RBPJ: variants seen among roughly 807,000 people sequenced by gnomAD.
The protein encoded by RBPJ is recombining binding protein suppressor of hairless.
In RBPJ, 9 loss-of-function variants were observed where a neutral mutation model predicts 67.8. The ratio of observed to expected loss-of-function variants is 0.13; its 90% CI spans 0.08 to 0.23. The LOEUF is 0.23. Ranked by LOEUF, RBPJ falls within the 10% of genes least tolerant of loss-of-function variation. RBPJ has a pLI of 1.00. For missense variants in RBPJ, 305 were observed against 595.6 expected (o/e 0.51, Z 5.08); for synonymous variants, 198 against 203.3 (o/e 0.97, Z 0.22).
intron 1 of RBPJ, among the ~76,000 whole-genome samples, chr4:26,189,218 A>G (rs1469984224): frequency 6.6e-6 from 1 of 152,200 alleles, no homozygotes; most frequent in Non-Finnish European, 1.5e-5. Flanking sequence ...CCCTGTCTCT[A>G]TATTAAAAAC....
intron 1 of RBPJ, among the ~76,000 whole-genome samples, chr4:26,229,945 T>G (rs182387055): frequency 6.6e-6 from 1 of 152,174 alleles, no homozygotes; most frequent in South Asian, 2.1e-4. Context: ...TCCTAGCACT[T>G]TGGGAGGCCA....
chr4:26,107,405 T>C, the RBPJ span, among the ~76,000 whole-genome samples: 42 of 152,208 alleles, frequency 2.8e-4, no homozygotes, highest in African/African-American at 9.9e-4. Context: ...GAGCAGTGCC[T>C]CTCCCCAAGG....
chr4:26,346,326 A>AG (rs1726138790), intron 1 of RBPJ, among the ~76,000 whole-genome samples: 1 of 152,114 alleles, frequency 6.6e-6, no homozygotes, highest in South Asian at 2.1e-4. Flanking sequence ...AGATTGGAGG[A>AG]GGGGATATCT....
chr4:26,218,024 C>T (rs1263004758), intron 1 of RBPJ, among the ~76,000 whole-genome samples: 3 of 152,238 alleles, frequency 2.0e-5, no homozygotes, highest in Admixed American at 1.3e-4. Flanking sequence ...GCAGCAGGAC[C>T]GTCTTGCTAG....
intron 3 of RBPJ, among the ~76,000 whole-genome samples, chr4:26,407,883 C>CTTTTTTTTTTTTT (rs61575988): frequency 1.1e-4 from 7 of 63,630 alleles, no homozygotes; most frequent in African/African-American, 4.0e-4. Flanking sequence ...AGCTTTCTTT[C>CTTTTTTTTTTTTT]TTTTTTTTTT....
chr4:26,308,514 A>T (rs925563218), intron 1 of RBPJ, among the ~76,000 whole-genome samples: 20 of 152,254 alleles, frequency 1.3e-4, no homozygotes, highest in African/African-American at 4.3e-4. Flanking sequence ...ATTAATTAGA[A>T]TAAAAATTGT....
intron 1 of RBPJ, among the ~76,000 whole-genome samples, chr4:26,270,487 GAGGA>G (rs900012605): frequency 5.0e-4 from 76 of 150,500 alleles, no homozygotes; most frequent in African/African-American, 9.3e-4. Context: ...TGAAAGGAGG[GAGGA>G]AGGAAGGAAG....
In RBPJ at chr4:26,351,225, G is replaced by C. The variant is rs1577497820; in HGVS notation, c.20+30177G>C. ...GTGGAAACATTGTGTACATTAGTGC[G>C]TGATCTCTGACACTTGAGGAACATA... is the stretch of plus-strand genomic sequence containing the variant. On this transcript the variant is annotated intron_variant, in intron 1 of 10. Transcript: ENST00000355476. 2.0e-5 allele frequency among the ~76,000 whole-genome samples: 3 copies of C among 152,148 alleles called. No homozygotes were observed. In the East Asian group the frequency reaches 5.8e-4, roughly 29 times the overall value.
At chr4:26,369,347 A>G (rs1253365197) in intron 1 of RBPJ, among the ~76,000 whole-genome samples, 3 of 152,230 alleles carry the variant, frequency 2.0e-5, no homozygotes, top group East Asian at 1.9e-4. Context: ...ACAATGAATC[A>G]ATATTGCGCT....
intron 1 of RBPJ, among the ~76,000 whole-genome samples, chr4:26,265,766 C>T (rs531243948): frequency 1.6e-4 from 25 of 151,902 alleles, no homozygotes; most frequent in African/African-American, 6.0e-4. Context: ...TGGCCAGGCA[C>T]GGTGGCTCAC....
At chr4:26,146,131 G>A in the RBPJ span, among the ~76,000 whole-genome samples, 1 of 152,072 alleles carries the variant, frequency 6.6e-6, no homozygotes, top group Non-Finnish European at 1.5e-5. Context: ...ATTTTTTGTA[G>A]AGGTAGGGTT....
chr4:26,430,988 C>T lies in RBPJ; in HGVS notation c.1445C>T (p.Thr482Ile), dbSNP rs1034750127. Residue 482 changes from threonine (T) to isoleucine (I), a missense_variant, in exon 11 of 11, where the codon ACA becomes ATA. Physicochemically the swap from Thr to Ile is moderately conservative, Grantham distance 89 (BLOSUM62 -1). Transcript: ENST00000355476. The surrounding 1 kb of genome is among the most constrained non-coding windows in gnomAD (Gnocchi z 4.1). ...AATTCAACCAGTGTCACATCATCTACAGCCACAGTGGTATCCTAACTACCG... is the reference window on the plus strand; with the variant it reads ...AATTCAACCAGTGTCACATCATCTATAGCCACAGTGGTATCCTAACTACCG... ...STNSTSVTSS[T>I]ATVVS The T allele has an allele frequency of 8.1e-6, 13 of 1,613,712 alleles. No homozygotes were observed. Among genetic ancestry groups the T allele is most frequent in the Non-Finnish European group, 1.1e-5 (13 of 1,179,934 alleles).
At chr4:26,349,447 ACTT>A (rs1438655361) in intron 1 of RBPJ, among the ~76,000 whole-genome samples, 1 of 152,074 alleles carries the variant, frequency 6.6e-6, no homozygotes, top group Non-Finnish European at 1.5e-5. Context: ...TTTGAATATC[ACTT>A]CTTTAATACT....
chr4:26,327,844 C>A (rs1030363687), intron 1 of RBPJ, among the ~76,000 whole-genome samples: 14 of 149,368 alleles, frequency 9.4e-5, no homozygotes, highest in Non-Finnish European at 1.8e-4. Context: ...GACCCTGTCT[C>A]AAAAAAAAAG....
chr4:26,190,430 G>A (rs1404659647), intron 1 of RBPJ, among the ~76,000 whole-genome samples: 1 of 152,190 alleles, frequency 6.6e-6, no homozygotes, highest in Non-Finnish European at 1.5e-5. Flanking sequence ...GATAACTCAA[G>A]TTTGACCTGA....
At chr4:26,108,435 G>C in the RBPJ span, among the ~76,000 whole-genome samples, 1 of 152,154 alleles carries the variant, frequency 6.6e-6, no homozygotes, top group Non-Finnish European at 1.5e-5. Context: ...GTGGTTAGGA[G>C]TCTGCACTAT....
intron 1 of RBPJ, among the ~76,000 whole-genome samples, chr4:26,302,365 T>C (rs1483230701): frequency 6.6e-6 from 1 of 152,234 alleles, no homozygotes; most frequent in Non-Finnish European, 1.5e-5. Flanking sequence ...TCTTTTCTAT[T>C]TCTTCATACT....
At chr4:26,192,388 T>A (rs1717598760) in intron 1 of RBPJ, among the ~76,000 whole-genome samples, 1 of 152,230 alleles carries the variant, frequency 6.6e-6, no homozygotes, top group Admixed American at 6.5e-5. Context: ...AATATTGTGA[T>A]ACTCATCTAA....
intron 1 of RBPJ, among the ~76,000 whole-genome samples, chr4:26,369,059 G>C (rs1218296030): frequency 6.6e-6 from 1 of 152,158 alleles, no homozygotes; most frequent in African/African-American, 2.4e-5. Context: ...CCCTGGGACA[G>C]TGAATAGTCA....
Sources: gnomAD v4.1 joint callset for allele counts (sites outside exome capture counted in the v4.1 genomes callset) on GRCh38, gnomAD v4.1.1 for gene constraint, Gnocchi (gnomAD v3.1) non-coding constraint, MANE v1.5 for transcripts, NCBI Gene and HGNC (gene_info 2026-07-23, HGNC 2026-07-21) for gene names.